The following SCAP variants were observed in gnomAD, a reference collection of about 807,000 sequenced individuals.
The protein encoded by SCAP is sterol regulatory element-binding protein cleavage-activating protein.
A neutral mutation model predicts 123.6 loss-of-function variants in SCAP; 65 were observed. The ratio of observed to expected loss-of-function variants is 0.53; its 90% confidence interval spans 0.43 to 0.65. The LOEUF (loss-of-function observed/expected upper bound fraction) is 0.65. SCAP is among the 30% of genes least tolerant of loss of function. The probability of loss-of-function intolerance (pLI) is 0.00; values close to 1 mark genes in which losing one functional copy is unlikely to be tolerated. For missense variants in SCAP, 1,398 were observed against 1,712.5 expected, an observed-to-expected ratio of 0.82 and a Z score of 3.24; for synonymous variants, 740 against 726.3, an observed-to-expected ratio of 1.02 and a Z score of -0.30.
chr3:47,418,266 T>G lies in SCAP; in HGVS notation c.2332-17A>C, dbSNP rs1394884063. The G allele has an allele frequency of 6.4e-7, 1 of 1,557,810 alleles. No individual in the cohort carries two copies. Among genetic ancestry groups the G allele is most frequent in the Non-Finnish European group, 8.7e-7 (1 of 1,151,224 alleles). On this transcript the variant is annotated splice_polypyrimidine_tract_variant and intron_variant, in intron 15 of 22. Transcript: ENST00000265565. ...CTCGATGTCCTGCAGAAGCCCGGTG[T>G]TGGTATGGGCCAGGCTCCGGCCCTC...
In SCAP at chr3:47,418,528, C is replaced by T. The variant is rs768225701; in HGVS notation, c.2130-6G>A. The T allele has an allele frequency of 3.2e-5, 51 of 1,582,446 alleles. No homozygotes were observed. Among genetic ancestry groups the T allele is most frequent in the Non-Finnish European group, 3.7e-5 (43 of 1,165,028 alleles). On this transcript the variant is annotated splice_polypyrimidine_tract_variant and splice_region_variant and intron_variant, in intron 14 of 22. Transcript: ENST00000265565. ...CCAGGCCCAGCGCCGCCACCCTGCA[C>T]GGGAGGGCGGACTGCTGTGAGACAC...
chr3:47,467,145 G>C (rs956955785), intron 1 of SCAP, among the ~76,000 whole-genome samples: 6 of 150,608 alleles, frequency 4.0e-5, no homozygotes, highest in East Asian at 3.9e-4. Context: ...ACAATAAAGA[G>C]AGTGAAATGC....
intron 1 of SCAP, among the ~76,000 whole-genome samples, chr3:47,448,371 G>A (rs931462200): frequency 1.3e-5 from 2 of 152,004 alleles, no homozygotes; most frequent in Non-Finnish European, 2.9e-5. Flanking sequence ...GTGTGTGTGT[G>A]GATTCTTTGG....
chr3:47,424,228 A>C (rs1706027813), intron 8 of SCAP, among the ~76,000 whole-genome samples, 183 bp from the exon 9 acceptor site: 1 of 152,190 alleles, frequency 6.6e-6, no homozygotes, highest in South Asian at 2.1e-4. Flanking sequence ...CACAGCACTC[A>C]GCTTTCAGGC....
intron 8 of SCAP, among the ~76,000 whole-genome samples, chr3:47,424,774 G>A (rs1045894903): frequency 1.6e-4 from 25 of 152,104 alleles, no homozygotes; most frequent in East Asian, 7.7e-4. Context: ...AACAAAATAC[G>A]ACGTCGCTTT....
intron 3 of SCAP, among the ~76,000 whole-genome samples, chr3:47,431,471 C>T (rs1489054562): frequency 6.6e-6 from 1 of 151,772 alleles, no homozygotes; most frequent in Non-Finnish European, 1.5e-5. Context: ...TCCAGGATCC[C>T]ATCCAGGAAA....
rs537474874 is a variant in SCAP at position 47,424,573 on chromosome 3, C to A, written c.1038-528G>T. 7.2e-5 allele frequency among the ~76,000 whole-genome samples: 11 copies of A among 152,310 alleles called. No homozygotes were observed. In the East Asian group the frequency reaches 2.1e-3, roughly 29 times the overall value. On this transcript the variant is annotated intron_variant, in intron 8 of 22. Transcript: ENST00000265565. Reference sequence around the variant, plus strand: ...TCTGAGCCCACTGTCCCACACTCCCCGCAGCAAACCCTAAGAAAGTCTATG... The same window carrying A: ...TCTGAGCCCACTGTCCCACACTCCCAGCAGCAAACCCTAAGAAAGTCTATG...
chr3:47,443,233 TACACAC>T (rs60723433), intron 1 of SCAP, 142 bp from the exon 2 acceptor site: 7,960 of 103,992 alleles, frequency 0.077, 429 homozygotes, highest in Non-Finnish European at 0.09. Flanking sequence ...AATCCCAAAA[TACACAC>T]ACACACACAC....
At chr3:47,423,509 T>A (rs1007944358) in intron 9 of SCAP, among the ~76,000 whole-genome samples, 1 of 152,172 alleles carries the variant, frequency 6.6e-6, no homozygotes, top group African/African-American at 2.4e-5. Flanking sequence ...TCCTCCCACC[T>A]CAGCCTCTTG....
intron 6 of SCAP, 22 bp downstream of exon 6, chr3:47,427,135 C>T: frequency 1.3e-6 from 2 of 1,560,764 alleles, no homozygotes; most frequent in Non-Finnish European, 1.8e-6. Flanking sequence ...CAGTCAAGAG[C>T]CCAGGGTACT....
chr3:47,453,285 G>C (rs1374090271), intron 1 of SCAP, among the ~76,000 whole-genome samples: 1 of 151,962 alleles, frequency 6.6e-6, no homozygotes, highest in Non-Finnish European at 1.5e-5. Context: ...GCTCACACCT[G>C]TAATCCCGGC....
At chr3:47,446,925 C>T (rs1707066526) in intron 1 of SCAP, among the ~76,000 whole-genome samples, 1 of 152,072 alleles carries the variant, frequency 6.6e-6, no homozygotes, top group African/African-American at 2.4e-5. Flanking sequence ...GCCTGGGCAA[C>T]AGAGCGAGAC....
chr3:47,424,999 T>C (rs1706061808), intron 8 of SCAP, among the ~76,000 whole-genome samples: 1 of 152,166 alleles, frequency 6.6e-6, no homozygotes, highest in Non-Finnish European at 1.5e-5. Context: ...TGCTCATATC[T>C]TCCAAAGAGC....
At chr3:47,447,951 G>A (rs1707107664) in intron 1 of SCAP, among the ~76,000 whole-genome samples, 1 of 116,790 alleles carries the variant, frequency 8.6e-6, no homozygotes, top group African/African-American at 3.3e-5. Flanking sequence ...GTTGCAGTAA[G>A]CTGAGATAGT....
chr3:47,435,089 G>A lies in SCAP; in HGVS notation c.171C>T (p.Phe57=). The change falls in exon 3 of 23, where the codon TTC becomes TTT. Residue 57 remains phenylalanine, a synonymous_variant. Coordinates refer to ENST00000265565, the MANE Select transcript of SCAP (RefSeq NM_012235.4). The stretch of plus-strand genomic sequence containing the variant: ...GCGAGTAATCCTTCACAGGGGTGGT[G>A]AATTCCACAGGTCCTGTTCCTGGCA... ...LPLPGTGPVE[F]TTPVKDYSPP... is the part of the protein sequence containing the mutation. The A allele has an allele frequency of 1.2e-6, 2 of 1,614,120 alleles. No homozygotes were observed. Among genetic ancestry groups the A allele is most frequent in the Non-Finnish European group, 8.5e-7 (1 of 1,180,008 alleles).
In SCAP at chr3:47,420,605, C is replaced by T. The variant is rs1374077443; in HGVS notation, c.1512G>A (p.Leu504=). 17 of 1,611,780 alleles carry T rather than the reference C, an allele frequency of 1.1e-5. No homozygotes were observed. Among genetic ancestry groups the T allele is most frequent in the African/African-American group, 1.3e-5 (1 of 74,814 alleles). The change falls in exon 12 of 23, where the codon CTG becomes CTA. Residue 504 remains leucine (L), a synonymous_variant. Coordinates refer to ENST00000265565, the MANE Select transcript of SCAP (RefSeq NM_012235.4). The surrounding 1 kb of genome is among the most constrained non-coding windows in gnomAD (Gnocchi z 5.0). ...TGCGGGCCAGGAAGTAGACAACACG[C>T]AGCCTCTTGGGGAGCCGCAGGTTTC... ...SFRNLRLPKR[L]RVVYFLARTR... is the part of the protein sequence containing the mutation.
At position 47,417,353 on chromosome 3, in the gene SCAP, T is replaced by C; in HGVS notation, c.2921A>G (p.Glu974Gly). Residue 974 changes from glutamate (E) to glycine (G), a missense_variant, in exon 17 of 23, where the codon GAG (glutamate) becomes GGG (glycine). Coordinates refer to ENST00000265565, the MANE Select transcript of SCAP (RefSeq NM_012235.4). Reference sequence around the variant, plus strand: ...CACCACGATGAGGTTGCCCTGCAGCTCCAAGCTCCAGATGGAACCCTCGGC... The same window carrying C: ...CACCACGATGAGGTTGCCCTGCAGCCCCAAGCTCCAGATGGAACCCTCGGC... ...PSAEGSIWSL[E>G]LQGNLIVVGR... 1.2e-6 allele frequency: 2 copies of C among 1,609,834 alleles called. No homozygotes were observed. Among genetic ancestry groups the C allele is most frequent in the Non-Finnish European group, 1.7e-6 (2 of 1,179,138 alleles).
In SCAP at chr3:47,418,495, G is replaced by A; in HGVS notation, c.2157C>T (p.Gly719=). 1.3e-6 allele frequency: 2 copies of A among 1,599,374 alleles called. No homozygotes were observed. Among genetic ancestry groups the A allele is most frequent in the Non-Finnish European group, 1.7e-6 (2 of 1,174,448 alleles). ...AGAGCAGCAGCAGCACCAAGACGATGCCGGTGGCCAGGCCCAGCGCCGCCA... is the reference window on the plus strand; with the variant it reads ...AGAGCAGCAGCAGCACCAAGACGATACCGGTGGCCAGGCCCAGCGCCGCCA... The part of the protein sequence containing the change: ...YKVAALGLAT[G]IVLVLLLLCL... Residue 719 remains glycine, a synonymous_variant, in exon 15 of 23, where the codon GGC becomes GGT. Coordinates refer to ENST00000265565, the MANE Select transcript of SCAP (RefSeq NM_012235.4).
At chr3:47,416,619 T>TGC (rs1705586606) in intron 18 of SCAP, among the ~76,000 whole-genome samples, 1 of 33,600 alleles carries the variant, frequency 3.0e-5, no homozygotes, top group Non-Finnish European at 1.1e-4. Flanking sequence ...CTAACGCTTT[T>TGC]TTTTTTTTTT....
Sources: allele counts gnomAD v4.1 joint callset (sites outside exome capture counted in the v4.1 genomes callset), GRCh38; gene constraint gnomAD v4.1.1; non-coding constraint Gnocchi (gnomAD v3.1); transcripts MANE v1.5; gene names NCBI Gene and HGNC (gene_info 2026-07-23, HGNC 2026-07-21).